Variants in CSMD1 observed in about 807,000 individuals in gnomAD.
CSMD1 encodes CUB and Sushi multiple domains 1, also known as CUB and sushi domain-containing protein 1.
CSMD1 carries 213 observed loss-of-function variants against 417.5 expected under a neutral mutation model. The observed-to-expected ratio is 0.51, with a 90% CI of 0.46 to 0.57. The LOEUF is 0.57. CSMD1 is among the 20% of genes least tolerant of loss of function. The pLI, the probability that CSMD1 is intolerant of heterozygous loss-of-function variation, is 0.00. For synonymous variants in CSMD1, 2,862 were observed against 1,736.8 expected (o/e 1.65, Z -16.11); for missense variants, 6,923 against 4,529.7 (o/e 1.53, Z -15.17).
At chr8:3,725,566 G>A (rs1269306054) in intron 6 of CSMD1, among the ~76,000 whole-genome samples, 2 of 152,094 alleles carry the variant, frequency 1.3e-5, no homozygotes, top group African/African-American at 2.4e-5. Flanking sequence ...GTATTAAGTA[G>A]AAACAGTTGA....
intron 26 of CSMD1, among the ~76,000 whole-genome samples, chr8:3,260,905 A>G (rs998544380): frequency 2.0e-5 from 3 of 152,200 alleles, no homozygotes; most frequent in Non-Finnish European, 4.4e-5. Flanking sequence ...GTATCTGACA[A>G]CAGACTAGTG....
At chr8:4,555,747 T>C (rs1360564259) in intron 2 of CSMD1, among the ~76,000 whole-genome samples, 2 of 152,150 alleles carry the variant, frequency 1.3e-5, no homozygotes, top group Non-Finnish European at 2.9e-5. Flanking sequence ...CATAAGAAAG[T>C]TCCATTTCAG....
intron 10 of CSMD1, among the ~76,000 whole-genome samples, chr8:3,502,286 A>T (rs1397396871): frequency 2.7e-5 from 4 of 149,104 alleles, no homozygotes; most frequent in African/African-American, 1.0e-4. Flanking sequence ...ACTGACGCGA[A>T]CCCAGGAGGA....
intron 25 of CSMD1, among the ~76,000 whole-genome samples, chr8:3,301,108 A>T (rs1804368610): frequency 6.6e-6 from 1 of 152,190 alleles, no homozygotes; most frequent in African/African-American, 2.4e-5. Context: ...ATAGGGGAAT[A>T]ATACATGATT....
At chr8:3,382,006 C>G (rs1810660609) in intron 18 of CSMD1, among the ~76,000 whole-genome samples, 1 of 151,974 alleles carries the variant, frequency 6.6e-6, no homozygotes. Context: ...ATCTATAATC[C>G]CAGCACTTTG....
chr8:3,949,081 A>G (rs1487721034), intron 5 of CSMD1, among the ~76,000 whole-genome samples: 7 of 152,206 alleles, frequency 4.6e-5, no homozygotes, highest in African/African-American at 1.4e-4. Context: ...TTAATTAATA[A>G]ATACAAATTA....
At chr8:4,688,902 G>T (rs1444337921) in intron 1 of CSMD1, among the ~76,000 whole-genome samples, 1 of 152,152 alleles carries the variant, frequency 6.6e-6, no homozygotes, top group Non-Finnish European at 1.5e-5. Context: ...TGTGCTAACA[G>T]CACAAGAATG....
chr8:3,847,500 A>G (rs558302752), intron 5 of CSMD1, among the ~76,000 whole-genome samples: 7 of 152,272 alleles, frequency 4.6e-5, no homozygotes, highest in African/African-American at 7.2e-5. Context: ...GCCAACATCA[A>G]TATGAGTATG....
chr8:4,714,642 TC>T (rs5889055), intron 1 of CSMD1, among the ~76,000 whole-genome samples: 131,993 of 152,068 alleles, frequency 0.87, 57,402 homozygotes, highest in East Asian at 0.99. Context: ...ACAGGCCCTT[TC>T]CCCAGAAAGA....
intron 3 of CSMD1, among the ~76,000 whole-genome samples, chr8:4,167,599 C>G (rs1303404927): frequency 6.6e-6 from 1 of 152,012 alleles, no homozygotes; most frequent in Non-Finnish European, 1.5e-5. Flanking sequence ...ATGCAAATGG[C>G]AGAAAAAAGG....
At chr8:3,620,433 G>A (rs535748917) in intron 7 of CSMD1, among the ~76,000 whole-genome samples, 146 of 152,164 alleles carry the variant, frequency 9.6e-4, no homozygotes, top group Middle Eastern at 3.4e-3. Context: ...ATTTCCTACA[G>A]TATTTAAAGA....
chr8:3,473,977 C>G (rs1305845291), intron 11 of CSMD1, among the ~76,000 whole-genome samples: 1 of 152,058 alleles, frequency 6.6e-6, no homozygotes, highest in African/African-American at 2.4e-5. Context: ...ACCATCAGAT[C>G]TAGTAAAAAC....
chr8:4,436,481 C>G (rs1241354685), intron 2 of CSMD1, among the ~76,000 whole-genome samples: 1 of 152,060 alleles, frequency 6.6e-6, no homozygotes, highest in East Asian at 1.9e-4. Flanking sequence ...ATAATAATCA[C>G]CTCAGGTTGA....
chr8:3,108,462 C>A, intron 44 of CSMD1, 141 bp downstream of exon 44: 2 of 718,458 alleles, frequency 2.8e-6, no homozygotes, highest in East Asian at 5.5e-5. Context: ...CCACAGGAAA[C>A]GCTGGCCTCC....
At chr8:4,445,425 G>T (rs1465849173) in intron 2 of CSMD1, among the ~76,000 whole-genome samples, 1 of 152,070 alleles carries the variant, frequency 6.6e-6, no homozygotes, top group African/African-American at 2.4e-5. Context: ...ATTTCTTACT[G>T]TACCAAATCG....
At chr8:3,178,801 G>C (rs370842802) in intron 37 of CSMD1, among the ~76,000 whole-genome samples, 1 of 152,146 alleles carries the variant, frequency 6.6e-6, no homozygotes, top group African/African-American at 2.4e-5. Context: ...TAGATTGGCA[G>C]TCCATATCTT....
intron 3 of CSMD1, among the ~76,000 whole-genome samples, chr8:4,229,673 G>C (rs575390872): frequency 6.6e-6 from 1 of 151,942 alleles, no homozygotes; most frequent in Non-Finnish European, 1.5e-5. Flanking sequence ...AGTGAAGTTC[G>C]TTCTCACCAT....
intron 1 of CSMD1, among the ~76,000 whole-genome samples, chr8:4,670,274 C>G (rs1309160232): frequency 5.9e-5 from 9 of 152,148 alleles, no homozygotes; most frequent in Non-Finnish European, 1.3e-4. Context: ...CCTGGAAGCT[C>G]TCATTTGCCT....
chr8:4,935,243 A>G (rs1332491138), intron 1 of CSMD1, among the ~76,000 whole-genome samples: 1 of 152,072 alleles, frequency 6.6e-6, no homozygotes, highest in Non-Finnish European at 1.5e-5. Flanking sequence ...TTCCTGCCCC[A>G]CACCTTTCTT....
Sources: gnomAD v4.1 joint callset for allele counts (sites outside exome capture counted in the v4.1 genomes callset) on GRCh38, gnomAD v4.1.1 for gene constraint, MANE v1.5 for transcripts, NCBI Gene and HGNC (gene_info 2026-07-23, HGNC 2026-07-21) for gene names.